PPP1R9A: variants seen among roughly 807,000 people sequenced by gnomAD.
PPP1R9A encodes the protein neurabin-1.
Under a neutral mutation model 141.9 loss-of-function variants are expected in PPP1R9A, and 59 were observed. The ratio of observed to expected loss-of-function variants is 0.42; its 90% CI spans 0.34 to 0.52. The LOEUF (loss-of-function observed/expected upper bound fraction) is 0.52, where lower values mean the gene tolerates loss of function less well. Among genes scored for constraint, PPP1R9A ranks in the 20% least tolerant of loss-of-function variants. The probability of loss-of-function intolerance (pLI) is 0.10; values close to 1 mark genes in which losing one functional copy is unlikely to be tolerated. For synonymous variants in PPP1R9A, 500 were observed against 569.7 expected, an observed-to-expected ratio of 0.88 and a Z score of 1.74; for missense variants, 1,444 against 1,611.9, an observed-to-expected ratio of 0.90 and a Z score of 1.78.
chr7:94,931,586 T>G (rs946950310), intron 2 of PPP1R9A, among the ~76,000 whole-genome samples: 3 of 152,162 alleles, frequency 2.0e-5, no homozygotes, highest in African/African-American at 7.2e-5. Context: ...TTTCTTATTT[T>G]TATTTTTTTG....
chr7:95,096,735 C>A (rs1584666571), intron 2 of PPP1R9A, among the ~76,000 whole-genome samples: 1 of 152,136 alleles, frequency 6.6e-6, no homozygotes. Context: ...GTAGCCTTGG[C>A]CATGTTGGCT....
rs565614309 is a variant in PPP1R9A at position 94,978,309 on chromosome 7, C to T, written c.1395+66801C>T. ...CAAAAAGCCAAATTATGGCTATCTA[C>T]TAAATATAGAGCCTGCATGTTTTTA... On this transcript the variant is annotated intron_variant, in intron 2 of 19. Transcript: ENST00000433360. Among the ~76,000 whole-genome samples, 13 of 152,292 alleles carry T rather than the reference C, an allele frequency of 8.5e-5. No individual in the cohort carries two copies. The South Asian group carries it at 2.7e-3, about 32-fold the overall frequency.
chr7:95,221,983 CGTTT>C (rs1324950368), intron 7 of PPP1R9A, among the ~76,000 whole-genome samples: 7 of 151,976 alleles, frequency 4.6e-5, no homozygotes, highest in Non-Finnish European at 8.8e-5. Flanking sequence ...TGTGTGTGTT[CGTTT>C]GTTTGTCAGC....
At position 95,292,902 on chromosome 7, in the gene PPP1R9A, G is replaced by C. The variant is rs1165983530; in HGVS notation, c.*2599G>C. Reference sequence around the variant, plus strand: ...CTGTAGTGCATGATACCTAATCAAGGCTCCAATGTCTTGCACAATTCCTAC... The same window carrying C: ...CTGTAGTGCATGATACCTAATCAAGCCTCCAATGTCTTGCACAATTCCTAC... On this transcript the variant is annotated 3_prime_UTR_variant, in exon 20 of 20. Transcript: ENST00000433360. 2 of 152,090 alleles carry C rather than the reference G, an allele frequency of 1.3e-5. No individual in the cohort carries two copies. Among genetic ancestry groups the C allele is most frequent in the Non-Finnish European group, 2.9e-5 (2 of 68,030 alleles). The allele number at this position is 152,090 out of a possible 1,614,324, so 9.4% of individuals were successfully genotyped here. A position where few individuals can be genotyped will look rare whatever the true frequency, so the allele number is the denominator to read the frequency against.
chr7:95,092,918 CTG>C (rs1817548950), intron 2 of PPP1R9A, among the ~76,000 whole-genome samples: 1 of 152,184 alleles, frequency 6.6e-6, no homozygotes. Context: ...CTGTATTAAA[CTG>C]TGTTGCTATA....
chr7:95,111,251 T>C lies in PPP1R9A; in HGVS notation c.1396-8T>C, dbSNP rs1222832562. 2 of 1,600,908 alleles carry C rather than the reference T, an allele frequency of 1.2e-6. No individual in the cohort carries two copies. The highest frequency in any genetic ancestry group is 1.7e-6 in the Non-Finnish European group (2 of 1,173,870). On this transcript the variant is annotated splice_region_variant and splice_polypyrimidine_tract_variant and intron_variant, in intron 2 of 19. Coordinates refer to ENST00000433360, the MANE Select transcript of PPP1R9A (RefSeq NM_001166160.2). Reference sequence around the variant, plus strand: ...CTGTATTATCATCTTGTTGGCCTCTTACTACAGGTTTTCAACACATACTCC... The same window carrying C: ...CTGTATTATCATCTTGTTGGCCTCTCACTACAGGTTTTCAACACATACTCC...
chr7:94,987,549 GTTAT>G (rs372206089), intron 2 of PPP1R9A, among the ~76,000 whole-genome samples: 472 of 152,190 alleles, frequency 3.1e-3, no homozygotes, highest in African/African-American at 0.011. Flanking sequence ...TCTCTGTAGC[GTTAT>G]TTAAACTAGT....
intron 2 of PPP1R9A, among the ~76,000 whole-genome samples, chr7:95,015,869 G>A (rs1805029956): frequency 6.6e-6 from 1 of 151,972 alleles, no homozygotes; most frequent in Admixed American, 6.6e-5. Flanking sequence ...GGGCAACATG[G>A]TGAGACCCCT....
At chr7:95,028,657 G>C (rs1807235767) in intron 2 of PPP1R9A, among the ~76,000 whole-genome samples, 1 of 152,138 alleles carries the variant, frequency 6.6e-6, no homozygotes, top group African/African-American at 2.4e-5. Flanking sequence ...TTGAAAAAGT[G>C]CTTTTTATGA....
intron 2 of PPP1R9A, among the ~76,000 whole-genome samples, chr7:94,993,185 C>T (rs1584163617): frequency 6.6e-6 from 1 of 151,536 alleles, no homozygotes; most frequent in African/African-American, 2.4e-5. Context: ...TGTCAAAAAT[C>T]AGTTTTTTAT....
In PPP1R9A at chr7:95,128,741, T is replaced by A. The variant is rs540540194; in HGVS notation, c.1649+7909T>A. On this transcript the variant is annotated intron_variant, in intron 4 of 19. Coordinates refer to ENST00000433360, the MANE Select transcript of PPP1R9A (RefSeq NM_001166160.2). ...ACAGGCACGTGCCACCACGCCTGGC[T>A]AATTTTTGTATTTTTAGTAGAGACA... 7.4e-4 allele frequency among the ~76,000 whole-genome samples: 113 copies of A among 152,310 alleles called. 1 individual carries two copies. Among genetic ancestry groups the A allele is most frequent in the Non-Finnish European group, 9.4e-4 (64 of 68,028 alleles).
At chr7:95,284,420 A>G (rs1804891595) in intron 17 of PPP1R9A, 90 bp downstream of exon 17, 1 of 1,183,806 alleles carries the variant, frequency 8.4e-7, no homozygotes, top group Non-Finnish European at 1.2e-6. Flanking sequence ...ATGCTGTTTC[A>G]TTGTAGATTG....
chr7:94,913,787 A>C (rs549527346), intron 2 of PPP1R9A, among the ~76,000 whole-genome samples: 2 of 152,296 alleles, frequency 1.3e-5, no homozygotes, highest in East Asian at 3.9e-4. Context: ...AAGGCTTATC[A>C]TGTGTGTTCT....
At chr7:95,283,971 T>C in intron 16 of PPP1R9A, 47 bp from the exon 17 acceptor site, 1 of 1,445,928 alleles carries the variant, frequency 6.9e-7, no homozygotes, top group Non-Finnish European at 9.3e-7. Context: ...GTAGGTCTTT[T>C]ATCCGCCCTT....
chr7:95,099,467 A>G (rs1233133098), intron 2 of PPP1R9A, among the ~76,000 whole-genome samples: 1 of 152,218 alleles, frequency 6.6e-6, no homozygotes, highest in African/African-American at 2.4e-5. Flanking sequence ...ATTGTTTACA[A>G]TAAATTGAAA....
intron 2 of PPP1R9A, among the ~76,000 whole-genome samples, chr7:94,969,917 C>G (rs997461273): frequency 6.6e-6 from 1 of 152,120 alleles, no homozygotes; most frequent in East Asian, 1.9e-4. Flanking sequence ...CCACCCAGTT[C>G]GACCTTTCTG....
At chr7:94,947,383 C>A (rs949384208) in intron 2 of PPP1R9A, among the ~76,000 whole-genome samples, 4 of 152,100 alleles carry the variant, frequency 2.6e-5, no homozygotes, top group Non-Finnish European at 5.9e-5. Flanking sequence ...ATCTGTGGAC[C>A]CTTGGATTAG....
intron 2 of PPP1R9A, among the ~76,000 whole-genome samples, chr7:94,995,761 C>T (rs1802092278): frequency 6.6e-6 from 1 of 151,956 alleles, no homozygotes; most frequent in African/African-American, 2.4e-5. Flanking sequence ...CCCATTGTGT[C>T]CATTCTATAT....
intron 2 of PPP1R9A, among the ~76,000 whole-genome samples, chr7:95,006,690 A>T (rs1055139849): frequency 1.3e-5 from 2 of 152,162 alleles, no homozygotes; most frequent in African/African-American, 4.8e-5. Flanking sequence ...AATAAAATTT[A>T]CTACATTCTA....
Sources: gnomAD v4.1 joint callset for allele counts (sites outside exome capture counted in the v4.1 genomes callset) on GRCh38, gnomAD v4.1.1 for gene constraint, MANE v1.5 for transcripts, NCBI Gene and HGNC (gene_info 2026-07-23, HGNC 2026-07-21) for gene names.